Variants in RIPOR3 observed in about 807,000 individuals in gnomAD.
The protein encoded by RIPOR3 is RIPOR family member 3.
A neutral mutation model predicts 114.3 loss-of-function variants in RIPOR3; 95 were observed. The ratio of observed to expected loss-of-function variants is 0.83; its 90% CI spans 0.70 to 0.99. The LOEUF is 0.99. Ranked by LOEUF, RIPOR3 falls within the 50% of genes least tolerant of loss-of-function variation. The probability of loss-of-function intolerance (pLI) is 0.00; values close to 1 mark genes in which losing one functional copy is unlikely to be tolerated. For missense variants in RIPOR3, 1,252 were observed against 1,266.9 expected, an observed-to-expected ratio of 0.99 and a Z score of 0.18; for synonymous variants, 575 against 543.8, an observed-to-expected ratio of 1.06 and a Z score of -0.80.
chr20:50,593,257 C>T lies in RIPOR3; in HGVS notation c.2213-61G>A, dbSNP rs1329727068. 1.9e-6 allele frequency: 3 copies of T among 1,563,284 alleles called. No individual in the cohort carries two copies. In the Admixed American group the frequency reaches 5.3e-5, roughly 28 times the overall value. On this transcript the variant is annotated intron_variant, in intron 17 of 21. Transcript: ENST00000327979. ...GACCTCGACCCTCCACGCTTCTCAG[C>T]TGGGAGTAGCCTGGTCAGCTAAAAG...
chr20:50,632,363 C>A (rs1192731346), intron 1 of RIPOR3, among the ~76,000 whole-genome samples: 1 of 152,164 alleles, frequency 6.6e-6, no homozygotes, highest in Non-Finnish European at 1.5e-5. Context: ...TCCCGAGAGC[C>A]CACAGTGTGC....
At chr20:50,671,056 T>C (rs987235238) in intron 1 of RIPOR3, among the ~76,000 whole-genome samples, 5 of 152,172 alleles carry the variant, frequency 3.3e-5, no homozygotes, top group Non-Finnish European at 4.4e-5. Flanking sequence ...GCCTCCCAAG[T>C]AGCTGGAACC....
intron 1 of RIPOR3, among the ~76,000 whole-genome samples, chr20:50,657,258 G>A (rs911756474): frequency 6.6e-6 from 1 of 152,178 alleles, no homozygotes; most frequent in African/African-American, 2.4e-5. Context: ...TGGGCATGGT[G>A]GTTCACACCT....
chr20:50,634,112 G>T (rs976067222), intron 1 of RIPOR3, among the ~76,000 whole-genome samples: 5 of 151,594 alleles, frequency 3.3e-5, no homozygotes, highest in Non-Finnish European at 5.9e-5. Context: ...CTTTCACGTG[G>T]CTGGGACTAC....
At chr20:50,619,509 A>C (rs115841910) in intron 3 of RIPOR3, among the ~76,000 whole-genome samples, 1,828 of 151,428 alleles carry the variant, frequency 0.012, 33 homozygotes, top group African/African-American at 0.041. Context: ...CCAGCTCATC[A>C]GTTGGTCTCT....
intron 1 of RIPOR3, among the ~76,000 whole-genome samples, chr20:50,659,475 C>T (rs931137057): frequency 5.3e-5 from 8 of 151,766 alleles, no homozygotes; most frequent in African/African-American, 1.7e-4. Flanking sequence ...GACAAAACCC[C>T]ATCTCTACTA....
chr20:50,611,440 A>G (rs1037928936), intron 4 of RIPOR3, among the ~76,000 whole-genome samples: 2 of 152,132 alleles, frequency 1.3e-5, no homozygotes, highest in Middle Eastern at 3.2e-3. Flanking sequence ...TGGCTCTTCT[A>G]TTTCCCAGCT....
chr20:50,586,931 A>T lies in RIPOR3; in HGVS notation c.*301T>A. 3.3e-6 allele frequency: 1 copy of T among 303,372 alleles called. No individual in the cohort carries two copies. The highest frequency in any genetic ancestry group is 6.2e-6 in the Non-Finnish European group (1 of 161,456). The allele number at this position is 303,372 out of a possible 1,614,324, so 18.8% of individuals were successfully genotyped here. On this transcript the variant is annotated 3_prime_UTR_variant, in exon 22 of 22. Coordinates refer to ENST00000327979, the MANE Select transcript of RIPOR3 (RefSeq NM_001290268.2). ...TTGGCCCTTTTGTAGGTGGCCACCT[A>T]GTTTGGCTCAGCTCTGCATCTCGGG...
At chr20:50,628,630 C>T (rs970641943) in intron 2 of RIPOR3, among the ~76,000 whole-genome samples, 2 of 152,122 alleles carry the variant, frequency 1.3e-5, no homozygotes, top group African/African-American at 2.4e-5. Flanking sequence ...TCAGTTCCCT[C>T]ACAGCACTGC....
chr20:50,615,940 G>A (rs1215423783), intron 4 of RIPOR3, 62 bp downstream of exon 4: 4 of 1,478,396 alleles, frequency 2.7e-6, no homozygotes, highest in South Asian at 1.2e-5. Context: ...AGGAACGCAG[G>A]GTTCATCTTT....
chr20:50,651,593 C>A (rs968006161), intron 1 of RIPOR3, among the ~76,000 whole-genome samples: 1 of 152,178 alleles, frequency 6.6e-6, no homozygotes, highest in Non-Finnish European at 1.5e-5. Flanking sequence ...GTGTTCGAAT[C>A]TTGGCAATTC....
intron 1 of RIPOR3, among the ~76,000 whole-genome samples, chr20:50,656,658 C>T (rs2085822534): frequency 6.6e-6 from 1 of 151,982 alleles, no homozygotes; most frequent in Non-Finnish European, 1.5e-5. Context: ...CACCACCATG[C>T]CCGGCTAATT....
chr20:50,654,688 G>A (rs987938712), intron 1 of RIPOR3, among the ~76,000 whole-genome samples: 1 of 152,064 alleles, frequency 6.6e-6, no homozygotes, highest in African/African-American at 2.4e-5. Flanking sequence ...CTTACACTTA[G>A]GAGGTGATTC....
intron 4 of RIPOR3, among the ~76,000 whole-genome samples, chr20:50,611,646 A>G (rs2083983934): frequency 6.6e-6 from 1 of 152,232 alleles, no homozygotes; most frequent in Non-Finnish European, 1.5e-5. Flanking sequence ...GGAGGGGCAC[A>G]TGGCACAGCA....
At chr20:50,640,859 T>G (rs1171363561) in intron 1 of RIPOR3, among the ~76,000 whole-genome samples, 1 of 152,080 alleles carries the variant, frequency 6.6e-6, no homozygotes, top group Non-Finnish European at 1.5e-5. Flanking sequence ...AATGTGTTAT[T>G]ATATAAGAGT....
At chr20:50,626,635 G>C (rs937602694) in intron 2 of RIPOR3, among the ~76,000 whole-genome samples, 1 of 152,244 alleles carries the variant, frequency 6.6e-6, no homozygotes, top group African/African-American at 2.4e-5. Context: ...GCCCCCACAG[G>C]CCTGGCAGGA....
chr20:50,608,902 G>A lies in RIPOR3; in HGVS notation c.684+10C>T. On this transcript the variant is annotated intron_variant, in intron 9 of 21. Transcript: ENST00000327979. Reference sequence around the variant, plus strand: ...GAGCCCTGAGGATTGACCCCAGAGAGTGGCCGTACCTCATAGTGGTCTCCG... The same window carrying A: ...GAGCCCTGAGGATTGACCCCAGAGAATGGCCGTACCTCATAGTGGTCTCCG... 2 of 1,597,472 alleles carry A rather than the reference G, an allele frequency of 1.3e-6. No homozygotes were observed. The highest frequency in any genetic ancestry group is 2.7e-5 in the African/African-American group (2 of 74,906).
At chr20:50,623,166 C>A (rs910844269) in intron 2 of RIPOR3, among the ~76,000 whole-genome samples, 36 of 150,188 alleles carry the variant, frequency 2.4e-4, no homozygotes, top group African/African-American at 8.5e-4. Context: ...GAGGCTGAGG[C>A]AGGAGAATCA....
chr20:50,614,002 G>A (rs146269470), intron 4 of RIPOR3, among the ~76,000 whole-genome samples: 420 of 152,210 alleles, frequency 2.8e-3, no homozygotes, highest in African/African-American at 8.6e-3. Flanking sequence ...ATACAGAGAC[G>A]GCCGCTTGTT....
Sources: allele counts gnomAD v4.1 joint callset (sites outside exome capture counted in the v4.1 genomes callset), GRCh38; gene constraint gnomAD v4.1.1; transcripts MANE v1.5; gene names NCBI Gene and HGNC (gene_info 2026-07-23, HGNC 2026-07-21).